The following PTPRZ1 variants were observed in gnomAD, a reference collection of about 807,000 sequenced individuals.
PTPRZ1 encodes the protein protein tyrosine phosphatase receptor type Z1.
A neutral mutation model predicts 214.1 loss-of-function variants in PTPRZ1; 82 were observed. That is an observed-to-expected ratio of 0.38 (90% CI 0.32 to 0.46). PTPRZ1 has a LOEUF of 0.46. Ranked by LOEUF, PTPRZ1 falls within the 20% of genes least tolerant of loss-of-function variation. PTPRZ1 has a pLI of 1.00. For missense variants in PTPRZ1, 2,603 were observed against 2,748.7 expected, an observed-to-expected ratio of 0.95 and a Z score of 1.19; for synonymous variants, 945 against 987.9, an observed-to-expected ratio of 0.96 and a Z score of 0.81.
chr7:121,917,475 A>G (rs1250576141), intron 1 of PTPRZ1, among the ~76,000 whole-genome samples: 2 of 152,192 alleles, frequency 1.3e-5, no homozygotes, highest in African/African-American at 4.8e-5. Context: ...CCAAAAAAAC[A>G]TGCAGGGCAC....
chr7:121,986,140 A>AG (rs1797757325), intron 8 of PTPRZ1, among the ~76,000 whole-genome samples: 1 of 152,236 alleles, frequency 6.6e-6, no homozygotes, highest in African/African-American at 2.4e-5. Flanking sequence ...TAACAAAAAC[A>AG]GTAATAGCTA....
At chr7:121,997,853 G>A in intron 9 of PTPRZ1, 27 bp from the exon 10 acceptor site, 1 of 1,586,718 alleles carries the variant, frequency 6.3e-7, no homozygotes, top group Non-Finnish European at 8.6e-7. Flanking sequence ...AATAACATTT[G>A]TATAATTACT....
intron 2 of PTPRZ1, among the ~76,000 whole-genome samples, chr7:121,964,113 A>G (rs1007884822): frequency 6.6e-6 from 1 of 152,158 alleles, no homozygotes. Context: ...ATGCCATGTT[A>G]TATTTGATCC....
At chr7:122,049,773 T>G (rs916248825) in intron 23 of PTPRZ1, among the ~76,000 whole-genome samples, 1 of 152,124 alleles carries the variant, frequency 6.6e-6, no homozygotes, top group South Asian at 2.1e-4. Flanking sequence ...TCATGGAAAA[T>G]GTAGAACAGA....
chr7:121,989,034 C>T (rs989699999), intron 8 of PTPRZ1, among the ~76,000 whole-genome samples: 1 of 152,076 alleles, frequency 6.6e-6, no homozygotes, highest in South Asian at 2.1e-4. Flanking sequence ...AAAAAAATAG[C>T]AAATAATTTA....
Position 122,010,332 on chromosome 7 carries a change from A to C in PTPRZ1, c.1288-2A>C, listed in dbSNP as rs201136644. 55 of 1,589,116 alleles carry C rather than the reference A, an allele frequency of 3.5e-5. No homozygotes were observed. Among genetic ancestry groups the C allele is most frequent in the Non-Finnish European group, 4.2e-5 (49 of 1,171,998 alleles). On this transcript the variant is annotated splice_acceptor_variant, in intron 11 of 29. Transcript: ENST00000393386. LOFTEE classifies it high-confidence loss of function. ...TCATTAAATCTTGTTTGCTTTTCAA[A>C]GGAGGAGGAAGAGGGAAAAGACATT...
intron 8 of PTPRZ1, among the ~76,000 whole-genome samples, chr7:121,995,214 G>A (rs1375663077): frequency 1.3e-5 from 2 of 152,122 alleles, no homozygotes; most frequent in African/African-American, 4.8e-5. Flanking sequence ...CACAATCGGC[G>A]GCAGTTGTTA....
At chr7:121,924,655 A>C (rs988589616) in intron 1 of PTPRZ1, among the ~76,000 whole-genome samples, 3 of 152,236 alleles carry the variant, frequency 2.0e-5, no homozygotes, top group African/African-American at 7.2e-5. Context: ...TTTAGAAGGA[A>C]TCATTAAAAC....
At chr7:121,897,048 T>C (rs1366681838) in intron 1 of PTPRZ1, among the ~76,000 whole-genome samples, 1 of 152,214 alleles carries the variant, frequency 6.6e-6, no homozygotes, top group African/African-American at 2.4e-5. Flanking sequence ...TTGGTTTGTA[T>C]TGTCCTTATT....
In PTPRZ1 at chr7:122,010,440, C is replaced by T. The variant is rs1798611716; in HGVS notation, c.1394C>T (p.Thr465Ile). ...RKKEPQISTT[T>I]HYNRIGTKYN... is the part of the protein sequence containing the mutation. ...AAGGAACCCCAGATTTCTACCACAACACACTACAATCGCATAGGGACGAAA... is the reference window on the plus strand; with the variant it reads ...AAGGAACCCCAGATTTCTACCACAATACACTACAATCGCATAGGGACGAAA... Residue 465 changes from threonine to isoleucine, a missense_variant, in exon 12 of 30, where the codon ACA (threonine) becomes ATA (isoleucine). Around this residue, in one of 6 missense-constraint regions of PTPRZ1, gnomAD observed 1,913 missense variants for 1,914.3 expected, o/e 1.00. Coordinates refer to ENST00000393386, the MANE Select transcript of PTPRZ1 (RefSeq NM_002851.3). The T allele has an allele frequency of 1.2e-6, 2 of 1,614,040 alleles. No individual in the cohort carries two copies. Among genetic ancestry groups the T allele is most frequent in the African/African-American group, 2.7e-5 (2 of 75,030 alleles).
chr7:121,942,679 A>G (rs1225416141), intron 2 of PTPRZ1, among the ~76,000 whole-genome samples: 1 of 152,206 alleles, frequency 6.6e-6, no homozygotes, highest in African/African-American at 2.4e-5. Context: ...TAGAAAGCTA[A>G]TTTTGGCATA....
chr7:121,999,175 A>C (rs1459707144), intron 10 of PTPRZ1, among the ~76,000 whole-genome samples: 1 of 152,222 alleles, frequency 6.6e-6, no homozygotes, highest in East Asian at 1.9e-4. Context: ...GAATATTACT[A>C]CTACCATGAT....
chr7:122,056,923 A>C (rs190102386), intron 27 of PTPRZ1, among the ~76,000 whole-genome samples: 125 of 152,036 alleles, frequency 8.2e-4, no homozygotes, highest in Non-Finnish European at 1.5e-3. Flanking sequence ...TATGTGTATT[A>C]TGCTACTCAG....
chr7:122,009,311 C>T (rs1406201416), intron 11 of PTPRZ1, among the ~76,000 whole-genome samples: 1 of 151,946 alleles, frequency 6.6e-6, no homozygotes, highest in Admixed American at 6.6e-5. Flanking sequence ...TCTACTGATA[C>T]TGGTCAAGTT....
chr7:121,926,219 C>T lies in PTPRZ1; in HGVS notation c.59-1937C>T, dbSNP rs1055363780. Among the ~76,000 whole-genome samples, 4 of 150,000 alleles carry T rather than the reference C, an allele frequency of 2.7e-5. No homozygotes were observed. The South Asian group carries it at 6.3e-4, about 24-fold the overall frequency. ...ACTCAGGAGGCTGAGGCAGAAGAATCGCTTGAACCGGAGAGGTGGAGGTTG... is the reference window on the plus strand; with the variant it reads ...ACTCAGGAGGCTGAGGCAGAAGAATTGCTTGAACCGGAGAGGTGGAGGTTG... On this transcript the variant is annotated intron_variant, in intron 1 of 29. Coordinates refer to ENST00000393386, the MANE Select transcript of PTPRZ1 (RefSeq NM_002851.3).
Position 122,010,343 on chromosome 7 carries a change from G to A in PTPRZ1, c.1297G>A (p.Glu433Lys). Residue 433 changes from glutamate to lysine, a missense_variant, in exon 12 of 30, where the codon GAG (glutamate) becomes AAG (lysine). Coordinates refer to ENST00000393386, the MANE Select transcript of PTPRZ1 (RefSeq NM_002851.3). Reference protein sequence around the residue: ...GTEEIIKEEEEGKDIEEGAIV... With the variant: ...GTEEIIKEEEKGKDIEEGAIV... The stretch of plus-strand genomic sequence containing the variant: ...TGTTTGCTTTTCAAAGGAGGAGGAA[G>A]AGGGAAAAGACATTGAAGAAGGCGC... 6.3e-7 allele frequency: 1 copy of A among 1,599,424 alleles called. No individual in the cohort carries two copies. The highest frequency in any genetic ancestry group is 8.5e-7 in the Non-Finnish European group (1 of 1,175,308).
At chr7:122,057,645 CTT>C (rs5887066) in intron 27 of PTPRZ1, among the ~76,000 whole-genome samples, 143 of 128,124 alleles carry the variant, frequency 1.1e-3, no homozygotes, top group South Asian at 5.9e-3. Flanking sequence ...CTTTGTGATT[CTT>C]TTTTTTTTTT....
At chr7:122,004,419 T>C (rs955712478) in intron 10 of PTPRZ1, among the ~76,000 whole-genome samples, 195 bp from the exon 11 acceptor site, 1 of 152,096 alleles carries the variant, frequency 6.6e-6, no homozygotes, top group East Asian at 1.9e-4. Context: ...TATAAGCTCA[T>C]GTAGTGTTGT....
chr7:121,912,261 T>G (rs941520985), intron 1 of PTPRZ1, among the ~76,000 whole-genome samples: 1 of 152,226 alleles, frequency 6.6e-6, no homozygotes, highest in African/African-American at 2.4e-5. Context: ...AGTGTCCCTA[T>G]CCACTGTTCT....
Sources: allele counts gnomAD v4.1 joint callset (sites outside exome capture counted in the v4.1 genomes callset), GRCh38; gene constraint gnomAD v4.1.1; regional missense constraint gnomAD v4.1.1; transcripts MANE v1.5; gene names NCBI Gene and HGNC (gene_info 2026-07-23, HGNC 2026-07-21).